The following MITF variants were observed in gnomAD, a reference collection of about 807,000 sequenced individuals.
The protein encoded by MITF is microphthalmia-associated transcription factor.
MITF carries 17 observed loss-of-function variants against 60.5 expected under a neutral mutation model. That is an observed-to-expected ratio of 0.28 (90% confidence interval 0.19 to 0.42). The LOEUF (loss-of-function observed/expected upper bound fraction) is 0.42. Among genes scored for constraint, MITF ranks in the 10% least tolerant of loss-of-function variants. The pLI is 1.00. For missense variants in MITF, 622 were observed against 683.5 expected (o/e 0.91, Z 1.00); for synonymous variants, 260 against 248.5 (o/e 1.05, Z -0.43).
chr3:69,798,446 A>G (rs998043573), intron 1 of MITF, among the ~76,000 whole-genome samples: 2 of 152,222 alleles, frequency 1.3e-5, no homozygotes, highest in Non-Finnish European at 2.9e-5. Flanking sequence ...AAAACACAAT[A>G]TATTTAAAGC....
At position 69,798,826 on chromosome 3, in the gene MITF, C is replaced by T. The variant is rs112912077; in HGVS notation, c.104+59125C>T. On this transcript the variant is annotated intron_variant, in intron 1 of 9. Coordinates refer to ENST00000352241, the MANE Select transcript of MITF (RefSeq NM_001354604.2). ...GCTTTTTCTTCTTGGAATAGTCTGA[C>T]CTCTTTCTACCTCTCCTTCCACCCT... 4.4e-3 allele frequency among the ~76,000 whole-genome samples: 663 copies of T among 152,340 alleles called. 6 individuals carry two copies. The highest frequency in any genetic ancestry group is 0.015 in the African/African-American group (615 of 41,584).
At chr3:69,938,597 T>G in intron 3 of MITF, 1 of 1,364,068 alleles carries the variant, frequency 7.3e-7, no homozygotes, top group South Asian at 2.0e-5. Flanking sequence ...TTCTGTTTCA[T>G]AATAAAATTG....
chr3:69,761,361 A>G (rs993369679), intron 1 of MITF, among the ~76,000 whole-genome samples: 1 of 152,146 alleles, frequency 6.6e-6, no homozygotes. Context: ...AAATGAAGAA[A>G]CTTGTGCTTG....
intron 1 of MITF, among the ~76,000 whole-genome samples, chr3:69,860,488 T>C (rs9867367): frequency 0.032 from 4,778 of 151,392 alleles, 218 homozygotes; most frequent in African/African-American, 0.11. Context: ...GTCCCAGCTA[T>C]TCGGGAGGCT....
chr3:69,806,068 G>A (rs1426779599), intron 1 of MITF, among the ~76,000 whole-genome samples: 3 of 151,484 alleles, frequency 2.0e-5, no homozygotes, highest in Admixed American at 2.0e-4. Flanking sequence ...GGGGTCCACG[G>A]TATCTGTTAG....
At chr3:69,756,059 G>C (rs1206473446) in intron 1 of MITF, among the ~76,000 whole-genome samples, 1 of 152,030 alleles carries the variant, frequency 6.6e-6, no homozygotes. Flanking sequence ...GCAACAGTTT[G>C]GTTCTCTATC....
chr3:69,865,880 C>T (rs2064104374), intron 1 of MITF, among the ~76,000 whole-genome samples: 1 of 152,166 alleles, frequency 6.6e-6, no homozygotes, highest in Non-Finnish European at 1.5e-5. Flanking sequence ...TTCTGTGACT[C>T]CAGTAAGTGT....
At chr3:69,866,375 C>A in intron 1 of MITF, 2 of 1,612,948 alleles carry the variant, frequency 1.2e-6, no homozygotes, top group Non-Finnish European at 1.7e-6. Context: ...TGGAAATAAT[C>A]CCGGGACCAC....
chr3:69,915,384 A>G (rs1000670772), intron 2 of MITF, among the ~76,000 whole-genome samples: 2 of 152,122 alleles, frequency 1.3e-5, no homozygotes, highest in African/African-American at 2.4e-5. Context: ...ATATATCATA[A>G]GCATAATAAA....
chr3:69,892,009 G>C (rs999384829), intron 2 of MITF, among the ~76,000 whole-genome samples: 1 of 152,150 alleles, frequency 6.6e-6, no homozygotes, highest in Non-Finnish European at 1.5e-5. Context: ...GCCTTTCCAG[G>C]AACTCTGAGG....
At chr3:69,774,800 C>T (rs1039183057) in intron 1 of MITF, among the ~76,000 whole-genome samples, 11 of 152,104 alleles carry the variant, frequency 7.2e-5, no homozygotes, top group Non-Finnish European at 1.2e-4. Flanking sequence ...AAGGAGGAGG[C>T]TAGCATGTTA....
At chr3:69,750,244 G>A (rs529982746) in intron 1 of MITF, among the ~76,000 whole-genome samples, 1 of 151,968 alleles carries the variant, frequency 6.6e-6, no homozygotes, top group African/African-American at 2.4e-5. Context: ...ATACAGGCCT[G>A]GCTACATGTC....
At chr3:69,797,342 T>C (rs2062847589) in intron 1 of MITF, among the ~76,000 whole-genome samples, 1 of 152,218 alleles carries the variant, frequency 6.6e-6, no homozygotes. Flanking sequence ...CTACAAATCA[T>C]ATAAATGAAG....
chr3:69,784,344 C>A (rs1178413457), intron 1 of MITF, among the ~76,000 whole-genome samples: 1 of 152,190 alleles, frequency 6.6e-6, no homozygotes, highest in East Asian at 1.9e-4. Context: ...CTATAAATCC[C>A]AGAATTTAAT....
intron 1 of MITF, among the ~76,000 whole-genome samples, chr3:69,844,661 A>G (rs377161665): frequency 5.9e-5 from 9 of 152,234 alleles, no homozygotes; most frequent in Admixed American, 2.0e-4. Flanking sequence ...ACAGCAAAAG[A>G]AACTATCATA....
intron 2 of MITF, among the ~76,000 whole-genome samples, chr3:69,935,138 G>T (rs2065804593): frequency 6.6e-6 from 1 of 152,106 alleles, no homozygotes. Context: ...CCTGTTTGAG[G>T]TATTTGGGTT....
chr3:69,920,451 T>TA (rs776028874), intron 2 of MITF, among the ~76,000 whole-genome samples: 1 of 152,172 alleles, frequency 6.6e-6, no homozygotes, highest in Non-Finnish European at 1.5e-5. Context: ...GTCACACTCC[T>TA]AGTCCGCCTT....
chr3:69,930,914 A>G lies in MITF; in HGVS notation c.355-6908A>G, dbSNP rs193057281. Among the ~76,000 whole-genome samples, 7 of 152,374 alleles carry G rather than the reference A, an allele frequency of 4.6e-5. No homozygotes were observed. The East Asian group carries it at 5.8e-4, about 13-fold the overall frequency. On this transcript the variant is annotated intron_variant, in intron 2 of 9. Transcript: ENST00000352241. ...ATTGAGTATACTCTCTCAGATGGGA[A>G]CAACTCAAAGTAAGAAGTTAAAACA...
At chr3:69,755,048 T>A (rs948471421) in intron 1 of MITF, among the ~76,000 whole-genome samples, 2 of 152,154 alleles carry the variant, frequency 1.3e-5, no homozygotes, top group Admixed American at 6.5e-5. Context: ...CAAATAGTGG[T>A]GAAAGGTGGG....
Sources: allele counts gnomAD v4.1 joint callset (sites outside exome capture counted in the v4.1 genomes callset), GRCh38; gene constraint gnomAD v4.1.1; transcripts MANE v1.5; gene names NCBI Gene and HGNC (gene_info 2026-07-23, HGNC 2026-07-21).